RALGPS2: variants seen among roughly 807,000 people sequenced by gnomAD.
The protein encoded by RALGPS2 is ras-specific guanine nucleotide-releasing factor RalGPS2.
A neutral mutation model predicts 86.8 loss-of-function variants in RALGPS2; 43 were observed. The ratio of observed to expected loss-of-function variants is 0.50; its 90% CI spans 0.39 to 0.64. The LOEUF (loss-of-function observed/expected upper bound fraction) is 0.64, where lower values mean the gene tolerates loss of function less well. RALGPS2 is among the 30% of genes least tolerant of loss of function. The pLI is 0.00. For synonymous variants in RALGPS2, 243 were observed against 231.3 expected (o/e 1.05, Z -0.46); for missense variants, 536 against 694.6 (o/e 0.77, Z 2.57).
intron 8 of RALGPS2, among the ~76,000 whole-genome samples, chr1:178,836,847 C>T (rs1429093656): frequency 6.6e-6 from 1 of 152,024 alleles, no homozygotes; most frequent in Non-Finnish European, 1.5e-5. Context: ...GTGGCATGAT[C>T]AGCTCACTGC....
Position 178,742,110 on chromosome 1 carries a change from T to C in RALGPS2, c.-84+16691T>C, listed in dbSNP as rs564126739. 1.0e-4 allele frequency among the ~76,000 whole-genome samples: 14 copies of C among 133,652 alleles called. No individual in the cohort carries two copies. The South Asian group carries it at 2.5e-3, about 24-fold the overall frequency. 87.7% of individuals were successfully genotyped at this position (133,652 alleles called of 152,430 possible). On this transcript the variant is annotated intron_variant, in intron 1 of 19. Transcript: ENST00000367635. ...GAGATCGTGCCGCTGCACTCCAGCC[T>C]GGCAACAGAGCAAGATTCCGTCAAA...
intron 7 of RALGPS2, among the ~76,000 whole-genome samples, chr1:178,824,067 T>A (rs564037142): frequency 6.6e-6 from 1 of 152,196 alleles, no homozygotes; most frequent in African/African-American, 2.4e-5. Context: ...AGAAAATGTT[T>A]CAATAAAAAT....
intron 1 of RALGPS2, among the ~76,000 whole-genome samples, chr1:178,770,030 T>C (rs1209286786): frequency 6.6e-6 from 1 of 151,710 alleles, no homozygotes; most frequent in Admixed American, 6.6e-5. Flanking sequence ...TTTTTTTTTT[T>C]TTTTGAGACA....
intron 8 of RALGPS2, among the ~76,000 whole-genome samples, chr1:178,873,721 A>C (rs777365804): frequency 1.3e-5 from 2 of 152,206 alleles, no homozygotes; most frequent in Middle Eastern, 3.2e-3. Context: ...AATAAAATGG[A>C]TGAGTTACAA....
chr1:178,797,742 A>G (rs1443476396), intron 4 of RALGPS2, among the ~76,000 whole-genome samples: 15 of 152,104 alleles, frequency 9.9e-5, no homozygotes, highest in Non-Finnish European at 1.5e-5. Flanking sequence ...TCATATATGT[A>G]GATTTATCTA....
At chr1:178,788,061 C>A (rs926844694) in intron 4 of RALGPS2, among the ~76,000 whole-genome samples, 1 of 152,148 alleles carries the variant, frequency 6.6e-6, no homozygotes, top group Non-Finnish European at 1.5e-5. Context: ...TACATCTTTC[C>A]TGTCTTTCTG....
At chr1:178,885,913 C>A (rs1251206328) in intron 12 of RALGPS2, 56 bp from the exon 13 acceptor site, 12 of 1,377,754 alleles carry the variant, frequency 8.7e-6, no homozygotes, top group Non-Finnish European at 1.2e-5. Context: ...ATATAAAGAG[C>A]AGTTTTTAAA....
chr1:178,820,956 G>A (rs1181982477), intron 6 of RALGPS2, among the ~76,000 whole-genome samples: 2 of 152,170 alleles, frequency 1.3e-5, no homozygotes, highest in Non-Finnish European at 1.5e-5. Flanking sequence ...CAGGATATAA[G>A]CATCAGGCAG....
intron 19 of RALGPS2, 65 bp downstream of exon 19, chr1:178,906,932 GA>G: frequency 4.2e-6 from 6 of 1,433,402 alleles, no homozygotes; most frequent in Non-Finnish European, 5.9e-6. Flanking sequence ...AGAGTTCCAA[GA>G]GAAGTAAACA....
chr1:178,910,406 A>T (rs116259966), intron 19 of RALGPS2, among the ~76,000 whole-genome samples: 4,372 of 152,236 alleles, frequency 0.029, 206 homozygotes, highest in African/African-American at 0.1. Flanking sequence ...TTTGCCATAG[A>T]TGACTCTTAC....
Position 178,833,439 on chromosome 1 carries a change from GAC to G in RALGPS2, c.498_499del (p.Asp166GlufsTer5). The G allele has an allele frequency of 6.6e-7, 1 of 1,507,868 alleles. No homozygotes were observed. The allele number at this position is 1,507,868 out of a possible 1,614,324, so 93.4% of individuals were successfully genotyped here. A position where few individuals can be genotyped will look rare whatever the true frequency, so the allele number is the denominator to read the frequency against. On this transcript the variant is annotated frameshift_variant, in exon 8 of 20. Transcript: ENST00000367635. LOFTEE classifies it high-confidence loss of function. Reference sequence around the variant, plus strand: ...TGTTTTTTAGTTATTAAGTCGAAAAGACAAAACTACCTTTGAAAAATTAGAAT... The same window carrying G: ...TGTTTTTTAGTTATTAAGTCGAAAAGAAAACTACCTTTGAAAAATTAGAAT... Reference protein sequence around the residue: ...TKTWALLSRKDKTTFEKLEYV... With the variant: ...TKTWALLSRKXKTTFEKLEYV...
chr1:178,836,055 C>T (rs552561694), intron 8 of RALGPS2, among the ~76,000 whole-genome samples: 2 of 152,118 alleles, frequency 1.3e-5, no homozygotes, highest in Non-Finnish European at 2.9e-5. Context: ...GACATTTTTC[C>T]ACAGTGGAGA....
intron 1 of RALGPS2, among the ~76,000 whole-genome samples, chr1:178,752,158 C>T (rs1651714596): frequency 1.4e-5 from 2 of 144,012 alleles, no homozygotes; most frequent in South Asian, 2.2e-4. Flanking sequence ...TTTTCTGAGA[C>T]AGGGTGTCAC....
rs12406765 is a variant in RALGPS2 at position 178,727,331 on chromosome 1, C to T, written c.-84+1912C>T. On this transcript the variant is annotated intron_variant, in intron 1 of 19. Transcript: ENST00000367635. ...CCTCCCGTGTCAGGCTCCCAAGAAG[C>T]TGGGACTACAGGCATGCGCCACTGT... 5.8e-3 allele frequency among the ~76,000 whole-genome samples: 878 copies of T among 152,208 alleles called. 29 individuals carry two copies. The highest frequency in any genetic ancestry group is 0.045 in the Admixed American group (686 of 15,280).
chr1:178,817,199 A>T (rs1167195485), intron 6 of RALGPS2, among the ~76,000 whole-genome samples: 7 of 151,796 alleles, frequency 4.6e-5, no homozygotes, highest in African/African-American at 1.7e-4. Context: ...TACAAAAATA[A>T]CTAGGTGTGT....
chr1:178,838,943 G>A (rs189336148), intron 8 of RALGPS2, among the ~76,000 whole-genome samples: 2 of 152,124 alleles, frequency 1.3e-5, no homozygotes, highest in Non-Finnish European at 2.9e-5. Context: ...ATGAAATGAA[G>A]CGAGAAGAGA....
At chr1:178,844,840 C>T (rs1023091350) in intron 8 of RALGPS2, among the ~76,000 whole-genome samples, 8 of 151,886 alleles carry the variant, frequency 5.3e-5, no homozygotes, top group African/African-American at 1.9e-4. Flanking sequence ...TTTTCTAAGC[C>T]TCATTTCTAC....
chr1:178,781,456 G>A (rs1653390819), intron 2 of RALGPS2, among the ~76,000 whole-genome samples: 1 of 152,098 alleles, frequency 6.6e-6, no homozygotes, highest in Admixed American at 6.5e-5. Context: ...AAGACATTTA[G>A]AAGTTTTTGA....
At chr1:178,837,563 A>G (rs1656340788) in intron 8 of RALGPS2, among the ~76,000 whole-genome samples, 1 of 152,184 alleles carries the variant, frequency 6.6e-6, no homozygotes, top group South Asian at 2.1e-4. Context: ...GGGTTCCAAG[A>G]TGGCCGAACA....
Sources: allele counts gnomAD v4.1 joint callset (sites outside exome capture counted in the v4.1 genomes callset), GRCh38; gene constraint gnomAD v4.1.1; transcripts MANE v1.5; gene names NCBI Gene and HGNC (gene_info 2026-07-23, HGNC 2026-07-21).